Variants in PCDHGA7 observed in about 807,000 individuals in gnomAD.
The protein encoded by PCDHGA7 is protocadherin gamma subfamily A, 7.
PCDHGA7 carries 44 observed loss-of-function variants against 58.3 expected under a neutral mutation model. The observed-to-expected ratio is 0.75, with a 90% CI of 0.59 to 0.97. The LOEUF (loss-of-function observed/expected upper bound fraction) is 0.97. PCDHGA7 is among the 50% of genes least tolerant of loss of function. The pLI, the probability that PCDHGA7 is intolerant of heterozygous loss-of-function variation, is 0.00. For synonymous variants in PCDHGA7, 516 were observed against 504.2 expected (o/e 1.02, Z -0.31); for missense variants, 1,266 against 1,188.7 (o/e 1.06, Z -0.96).
At chr5:141,392,575 T>C (rs1185769260) in intron 1 of PCDHGA7, 2 of 459,466 alleles carry the variant, frequency 4.4e-6, no homozygotes, top group Non-Finnish European at 7.7e-6. Flanking sequence ...TATTTAGGAC[T>C]GTAAGCGCCG....
chr5:141,459,028 C>T (rs373532898), intron 1 of PCDHGA7, among the ~76,000 whole-genome samples: 1 of 152,202 alleles, frequency 6.6e-6, no homozygotes, highest in Non-Finnish European at 1.5e-5. Context: ...CCACCACATC[C>T]AGCCTTACCA....
rs987203685 is a variant in PCDHGA7 at position 141,403,829 on chromosome 5, C to A, written c.2424+18506C>A. ...TAATGAAAAACAATCTCTGCTATTC[C>A]AGCTTAATGAAAATACTGGGGAAAT... is the stretch of plus-strand genomic sequence containing the variant. On this transcript the variant is annotated intron_variant, in intron 1 of 3. Transcript: ENST00000518325. 1.2e-6 allele frequency: 2 copies of A among 1,613,602 alleles called. No homozygotes were observed. The highest frequency in any genetic ancestry group is 2.2e-5 in the East Asian group (1 of 44,884).
At position 141,489,505 on chromosome 5, in the gene PCDHGA7, A is replaced by G. The variant is rs1198371307; in HGVS notation, c.2425-5302A>G. On this transcript the variant is annotated intron_variant, in intron 1 of 3. Transcript: ENST00000518325. The surrounding 1 kb of genome is among the most constrained non-coding windows in gnomAD (Gnocchi z 4.5). ...GAGTGGTGCCCTGGCAGTGAATCAA[A>G]AGATTGACCGAGAAAGCCTATGTGG... The G allele has an allele frequency of 1.9e-6, 3 of 1,613,972 alleles. No homozygotes were observed. The Admixed American group carries it at 5.0e-5, about 27-fold the overall frequency.
At position 141,491,116 on chromosome 5, in the gene PCDHGA7, GGT is replaced by G. The variant is rs2099708409; in HGVS notation, c.2425-3689_2425-3688del. The G allele has an allele frequency of 1.2e-6, 2 of 1,614,178 alleles. No individual in the cohort carries two copies. Among genetic ancestry groups the G allele is most frequent in the Non-Finnish European group, 1.7e-6 (2 of 1,180,024 alleles). On this transcript the variant is annotated intron_variant, in intron 1 of 3. Transcript: ENST00000518325. This position sits in a 1 kb window ranked among gnomAD's most constrained non-coding sequence, Gnocchi z 6.9. Reference sequence around the variant, plus strand: ...ACTGTTCCTCGTGTCTACACACACTGGTGAGGTGCGCACAGCCCGGGCCTTAC... The same window carrying G: ...ACTGTTCCTCGTGTCTACACACACTGGAGGTGCGCACAGCCCGGGCCTTAC...
At chr5:141,419,432 C>T (rs2096381830) in intron 1 of PCDHGA7, 1 of 1,613,278 alleles carries the variant, frequency 6.2e-7, no homozygotes, top group East Asian at 2.2e-5. Flanking sequence ...CCACGAGCAG[C>T]TGCGCACCTT....
chr5:141,456,047 A>G (rs1321504293), intron 1 of PCDHGA7, among the ~76,000 whole-genome samples: 3 of 151,774 alleles, frequency 2.0e-5, no homozygotes, highest in Non-Finnish European at 4.4e-5. Context: ...ACAGGCGCCC[A>G]CCACCACGTC....
At position 141,491,098 on chromosome 5, in the gene PCDHGA7, C is replaced by A. The variant is rs1283499077; in HGVS notation, c.2425-3709C>A. ...ACAGTCCACAGCCCCAGGACTGTTC[C>A]TCGTGTCTACACACACTGGTGAGGT... On this transcript the variant is annotated intron_variant, in intron 1 of 3. Coordinates refer to ENST00000518325, the MANE Select transcript of PCDHGA7 (RefSeq NM_018920.4). This position sits in a 1 kb window ranked among gnomAD's most constrained non-coding sequence, Gnocchi z 6.9. 6.2e-7 allele frequency: 1 copy of A among 1,614,216 alleles called. No individual in the cohort carries two copies. Among genetic ancestry groups the A allele is most frequent in the Non-Finnish European group, 8.5e-7 (1 of 1,180,038 alleles).
rs368153419 is a variant in PCDHGA7 at position 141,476,458 on chromosome 5, C to T, written c.2425-18349C>T. 1 of 1,614,044 alleles carries T rather than the reference C, an allele frequency of 6.2e-7. No homozygotes were observed. Among genetic ancestry groups the T allele is most frequent in the Non-Finnish European group, 8.5e-7 (1 of 1,180,014 alleles). On this transcript the variant is annotated intron_variant, in intron 1 of 3. Coordinates refer to ENST00000518325, the MANE Select transcript of PCDHGA7 (RefSeq NM_018920.4). The surrounding 1 kb of genome is among the most constrained non-coding windows in gnomAD (Gnocchi z 7.6). ...TAACTCTGGAGTTGGTAGTGGAGAA[C>T]CCGCTGGAGCTGTTCAGCGTGGAAG...
Position 141,490,611 on chromosome 5 carries a change from G to GCTTTA in PCDHGA7, c.2425-4194_2425-4190dup. On this transcript the variant is annotated intron_variant, in intron 1 of 3. Coordinates refer to ENST00000518325, the MANE Select transcript of PCDHGA7 (RefSeq NM_018920.4). The surrounding 1 kb of genome is among the most constrained non-coding windows in gnomAD (Gnocchi z 5.4). The stretch of plus-strand genomic sequence containing the variant: ...ACAATGCACCCCGCTTCAACCAGCA[G>GCTTTA]CTTTACACTGCTTACATCCTAGAAA... 6.2e-7 allele frequency: 1 copy of GCTTTA among 1,614,170 alleles called. No individual in the cohort carries two copies. Among genetic ancestry groups the GCTTTA allele is most frequent in the Non-Finnish European group, 8.5e-7 (1 of 1,180,036 alleles).
intron 1 of PCDHGA7, chr5:141,417,855 G>A: frequency 6.5e-7 from 1 of 1,544,918 alleles, no homozygotes. Context: ...GAACCCGAGC[G>A]AACGATGGGA....
At chr5:141,492,506 C>T (rs2154587372) in intron 1 of PCDHGA7, among the ~76,000 whole-genome samples, 2 of 152,318 alleles carry the variant, frequency 1.3e-5, no homozygotes, top group South Asian at 4.1e-4. Context: ...ACTCCGGAGC[C>T]TCCTCTCACC....
At chr5:141,441,911 T>TGAG in intron 1 of PCDHGA7, 1 of 348,148 alleles carries the variant, frequency 2.9e-6, no homozygotes, top group Non-Finnish European at 5.5e-6. Context: ...GACGCAGATG[T>TGAG]GAGACACAAT....
At chr5:141,391,562 C>T (rs927673920) in intron 1 of PCDHGA7, 2 of 152,064 alleles carry the variant, frequency 1.3e-5, no homozygotes, top group Non-Finnish European at 1.5e-5. Flanking sequence ...TTTCCATATG[C>T]ATAAGAAAAT....
At chr5:141,415,023 C>G in intron 1 of PCDHGA7, 1 of 1,613,530 alleles carries the variant, frequency 6.2e-7, no homozygotes, top group Non-Finnish European at 8.5e-7. Context: ...TCAAGGCCAG[C>G]GAGCCGGGAC....
chr5:141,437,074 A>G (rs1455066447), intron 1 of PCDHGA7, among the ~76,000 whole-genome samples: 1 of 152,250 alleles, frequency 6.6e-6, no homozygotes, highest in Non-Finnish European at 1.5e-5. Flanking sequence ...GGTTTGGGCC[A>G]TATAAGAATT....
intron 1 of PCDHGA7, chr5:141,419,027 GTTCCAT>G: frequency 6.2e-7 from 1 of 1,613,870 alleles, no homozygotes; most frequent in Non-Finnish European, 8.5e-7. Context: ...AAGTAGAGGT[GTTCCAT>G]TTAAGATTCA....
chr5:141,407,977 G>A (rs943554200), intron 1 of PCDHGA7: 7 of 747,538 alleles, frequency 9.4e-6, no homozygotes, highest in African/African-American at 8.8e-5. Context: ...TGACGCCGGG[G>A]ATCCGTCAGC....
intron 1 of PCDHGA7, among the ~76,000 whole-genome samples, chr5:141,454,252 A>T (rs1288181537): frequency 6.6e-6 from 1 of 152,214 alleles, no homozygotes; most frequent in Non-Finnish European, 1.5e-5. Context: ...AAGATGTCCC[A>T]GAGAAAGTAA....
At chr5:141,426,013 T>C (rs2096909409) in intron 1 of PCDHGA7, among the ~76,000 whole-genome samples, 1 of 152,144 alleles carries the variant, frequency 6.6e-6, no homozygotes, top group Admixed American at 6.5e-5. Flanking sequence ...CCGGCTGCAG[T>C]TTTCTAAATA....
Sources: allele counts gnomAD v4.1 joint callset (sites outside exome capture counted in the v4.1 genomes callset), GRCh38; gene constraint gnomAD v4.1.1; non-coding constraint Gnocchi (gnomAD v3.1); transcripts MANE v1.5; gene names NCBI Gene and HGNC (gene_info 2026-07-23, HGNC 2026-07-21).